The following AGAP1 variants were observed in gnomAD, a reference collection of about 807,000 sequenced individuals.
AGAP1 encodes the protein ArfGAP with GTPase domain, ankyrin repeat and PH domain 1.
In AGAP1, 29 loss-of-function variants were observed where a neutral mutation model predicts 105.3. That is an observed-to-expected ratio of 0.28 (90% CI 0.21 to 0.38). AGAP1 has a LOEUF of 0.38. AGAP1 is among the 10% of genes least tolerant of loss of function. The probability of loss-of-function intolerance (pLI) is 1.00; values close to 1 mark genes in which losing one functional copy is unlikely to be tolerated. For synonymous variants in AGAP1, 509 were observed against 485.9 expected (o/e 1.05, Z -0.63); for missense variants, 998 against 1,165.1 (o/e 0.86, Z 2.09).
chr2:235,687,913 T>TAA (rs1949544511), intron 1 of AGAP1, among the ~76,000 whole-genome samples: 1 of 144,792 alleles, frequency 6.9e-6, no homozygotes, highest in African/African-American at 2.6e-5. Flanking sequence ...TTTTTTTTTT[T>TAA]TTTTTTGAGA....
chr2:235,916,848 A>G (rs1180022610), intron 11 of AGAP1, among the ~76,000 whole-genome samples: 2 of 152,248 alleles, frequency 1.3e-5, no homozygotes, highest in Non-Finnish European at 2.9e-5. Context: ...GACATAATGG[A>G]CATAGGGCTT....
At chr2:235,857,278 C>T (rs1375246167) in intron 9 of AGAP1, among the ~76,000 whole-genome samples, 1 of 152,174 alleles carries the variant, frequency 6.6e-6, no homozygotes, top group Non-Finnish European at 1.5e-5. Context: ...ACGCACACTC[C>T]TTATGAGAAT....
At chr2:235,560,957 T>C (rs1944130727) in intron 1 of AGAP1, among the ~76,000 whole-genome samples, 1 of 152,202 alleles carries the variant, frequency 6.6e-6, no homozygotes, top group Non-Finnish European at 1.5e-5. Context: ...CAGTTTCTCA[T>C]GTGTCCTTGA....
In AGAP1 at chr2:235,747,163, C is replaced by T. The variant is rs1217990391; in HGVS notation, c.538+2324C>T. 6.6e-6 allele frequency among the ~76,000 whole-genome samples: 1 copy of T among 152,120 alleles called. No homozygotes were observed. The highest frequency in any genetic ancestry group is 1.9e-4 in the East Asian group (1 of 5,174). ...CCTGCCTGGAATCCTGAACCCCACC[C>T]CCCACTGTCCCTGCCCCTGGAGGCA... is the stretch of plus-strand genomic sequence containing the variant. On this transcript the variant is annotated intron_variant, in intron 5 of 17. Coordinates refer to ENST00000304032, the MANE Select transcript of AGAP1 (RefSeq NM_001037131.3). This position sits in a 1 kb window ranked among gnomAD's most constrained non-coding sequence, Gnocchi z 5.0.
At chr2:235,929,121 G>C in intron 11 of AGAP1, among the ~76,000 whole-genome samples, 1 of 152,232 alleles carries the variant, frequency 6.6e-6, no homozygotes, top group East Asian at 1.9e-4. Flanking sequence ...AGGCTTCCGA[G>C]CCACTGCCCT....
intron 8 of AGAP1, among the ~76,000 whole-genome samples, chr2:235,803,628 A>G (rs1054472781): frequency 6.6e-6 from 1 of 152,170 alleles, no homozygotes; most frequent in Non-Finnish European, 1.5e-5. Context: ...ATTTTTTCCA[A>G]TACCATTTTA....
chr2:235,746,738 C>T (rs1462754544), intron 5 of AGAP1, among the ~76,000 whole-genome samples: 1 of 152,016 alleles, frequency 6.6e-6, no homozygotes, highest in Non-Finnish European at 1.5e-5. Flanking sequence ...TGAGCAGGGT[C>T]CTTCGGGGCT....
chr2:236,013,886 G>A (rs113372533), intron 13 of AGAP1, among the ~76,000 whole-genome samples: 1 of 152,126 alleles, frequency 6.6e-6, no homozygotes, highest in African/African-American at 2.4e-5. Flanking sequence ...TCTCCTGAAG[G>A]GCGGAGAGAA....
rs544438849 is a variant in AGAP1 at position 235,551,698 on chromosome 2, T to C, written c.163+56849T>C. Among the ~76,000 whole-genome samples the C allele has an allele frequency of 6.6e-6, 1 of 152,360 alleles. No homozygotes were observed. Among genetic ancestry groups the C allele is most frequent in the African/African-American group, 2.4e-5 (1 of 41,590 alleles). ...GGTGCTGTTTCTTTCCTGCAGGATG[T>C]TTGCTGAGCATTTGTGAGTGGAGCA... On this transcript the variant is annotated intron_variant, in intron 1 of 17. Coordinates refer to ENST00000304032, the MANE Select transcript of AGAP1 (RefSeq NM_001037131.3). This position sits in a 1 kb window ranked among gnomAD's most constrained non-coding sequence, Gnocchi z 4.8.
In AGAP1 at chr2:235,953,161, A is replaced by G. The variant is rs2053812235; in HGVS notation, c.1484-15301A>G. 6.6e-6 allele frequency among the ~76,000 whole-genome samples: 1 copy of G among 152,174 alleles called. No individual in the cohort carries two copies. The highest frequency in any genetic ancestry group is 2.4e-5 in the African/African-American group (1 of 41,444). ...ACTTCCTGTCCACAGTTTAGGAGAG[A>G]GTCTTGAAATCACCTGGAACAAGAA... On this transcript the variant is annotated intron_variant, in intron 12 of 17. Transcript: ENST00000304032. The surrounding 1 kb of genome is among the most constrained non-coding windows in gnomAD (Gnocchi z 5.2).
intron 1 of AGAP1, among the ~76,000 whole-genome samples, chr2:235,511,756 A>G (rs956269545): frequency 6.6e-6 from 1 of 152,142 alleles, no homozygotes; most frequent in Non-Finnish European, 1.5e-5. Context: ...AATTTCCCCA[A>G]ACTGTGGATT....
At position 235,824,854 on chromosome 2, in the gene AGAP1, G is replaced by A. The variant is rs369217495; in HGVS notation, c.1050+17523G>A. Among the ~76,000 whole-genome samples the A allele has an allele frequency of 7.2e-5, 11 of 152,226 alleles. No homozygotes were observed. The highest frequency in any genetic ancestry group is 5.8e-4 in the East Asian group (3 of 5,180). On this transcript the variant is annotated intron_variant, in intron 9 of 17. Transcript: ENST00000304032. The surrounding 1 kb of genome is among the most constrained non-coding windows in gnomAD (Gnocchi z 5.2). Reference sequence around the variant, plus strand: ...CCATCAAGGTAACCGGTGCATTCACGGGTTTGGATAATTTCAGGAAAAGGA... The same window carrying A: ...CCATCAAGGTAACCGGTGCATTCACAGGTTTGGATAATTTCAGGAAAAGGA...
rs557628745 is a variant in AGAP1, at chr2:236,101,011, G to A, written c.2115-19181G>A. 1.3e-5 allele frequency among the ~76,000 whole-genome samples: 2 copies of A among 152,230 alleles called. No individual in the cohort carries two copies. The highest frequency in any genetic ancestry group is 2.1e-4 in the South Asian group (1 of 4,820). On this transcript the variant is annotated intron_variant, in intron 16 of 17. Coordinates refer to ENST00000304032, the MANE Select transcript of AGAP1 (RefSeq NM_001037131.3). This position sits in a 1 kb window ranked among gnomAD's most constrained non-coding sequence, Gnocchi z 4.9. ...GGCAACCCCACTGCAAAGAATGTGA[G>A]CATCAGCTAGGCTGACACAGGGGTC... is the stretch of plus-strand genomic sequence containing the variant.
rs184975965 is a variant in AGAP1, at chr2:236,124,313, G to A, written c.*191G>A. 3.4e-4 allele frequency: 230 copies of A among 678,888 alleles called. 1 individual carries two copies. The highest frequency in any genetic ancestry group is 1.2e-3 in the Middle Eastern group (3 of 2,424). The allele number at this position is 678,888 out of a possible 1,614,324, so 42.1% of individuals were successfully genotyped here. A position where few individuals can be genotyped will look rare whatever the true frequency, so the allele number is the denominator to read the frequency against. On this transcript the variant is annotated 3_prime_UTR_variant, in exon 18 of 18. Coordinates refer to ENST00000304032, the MANE Select transcript of AGAP1 (RefSeq NM_001037131.3). The surrounding 1 kb of genome is among the most constrained non-coding windows in gnomAD (Gnocchi z 5.1). Reference sequence around the variant, plus strand: ...GACATCCCTCAAGGGGCGAAGAGGCGGCCGGGAGACTGCAGAAGTGGCTCC... The same window carrying A: ...GACATCCCTCAAGGGGCGAAGAGGCAGCCGGGAGACTGCAGAAGTGGCTCC...
intron 6 of AGAP1, among the ~76,000 whole-genome samples, chr2:235,797,192 G>T (rs1198799577): frequency 6.6e-6 from 1 of 152,074 alleles, no homozygotes; most frequent in Non-Finnish European, 1.5e-5. Flanking sequence ...CCTTATTTAG[G>T]ATTATTTTTG....
In AGAP1 at chr2:236,036,760, G is replaced by A; in HGVS notation, c.1800+45G>A. The A allele has an allele frequency of 1.2e-6, 2 of 1,610,030 alleles. No individual in the cohort carries two copies. Among genetic ancestry groups the A allele is most frequent in the Non-Finnish European group, 1.7e-6 (2 of 1,178,488 alleles). ...AAAACCAAGGCTGGGGCTGCTCAGG[G>A]GGAGTGCGGGCCCCAAGTAATGCCC... On this transcript the variant is annotated intron_variant, in intron 14 of 17. Transcript: ENST00000304032. The surrounding 1 kb of genome is among the most constrained non-coding windows in gnomAD (Gnocchi z 5.7).
chr2:235,882,252 G>A lies in AGAP1; in HGVS notation c.1051-1093G>A. 1 of 512,348 alleles carries A rather than the reference G, an allele frequency of 2.0e-6. No homozygotes were observed. Among genetic ancestry groups the A allele is most frequent in the African/African-American group, 2.0e-5 (1 of 51,186 alleles). The allele number at this position is 512,348 out of a possible 1,614,324, so 31.7% of individuals were successfully genotyped here. On this transcript the variant is annotated intron_variant, in intron 9 of 17. Coordinates refer to ENST00000304032, the MANE Select transcript of AGAP1 (RefSeq NM_001037131.3). This position sits in a 1 kb window ranked among gnomAD's most constrained non-coding sequence, Gnocchi z 4.6. ...CAGGCCAGTGGCATCGGTGCAGAGT[G>A]CCCAGGTTCACAATGCAGCTTGTGG... is the stretch of plus-strand genomic sequence containing the variant.
chr2:235,605,294 C>T (rs1945890647), intron 1 of AGAP1, among the ~76,000 whole-genome samples: 1 of 152,178 alleles, frequency 6.6e-6, no homozygotes, highest in Admixed American at 6.5e-5. Context: ...TTTCACGCCC[C>T]TCATCTTCAT....
At chr2:235,643,569 A>G (rs867254209) in intron 1 of AGAP1, among the ~76,000 whole-genome samples, 4 of 152,028 alleles carry the variant, frequency 2.6e-5, no homozygotes, top group Admixed American at 2.6e-4. Context: ...AAAACTGGAA[A>G]ACTCTCTTGG....
Sources: allele counts gnomAD v4.1 joint callset (sites outside exome capture counted in the v4.1 genomes callset), GRCh38; gene constraint gnomAD v4.1.1; non-coding constraint Gnocchi (gnomAD v3.1); transcripts MANE v1.5; gene names NCBI Gene and HGNC (gene_info 2026-07-23, HGNC 2026-07-21).